The following TBC1D22A variants were observed in gnomAD, a reference collection of about 807,000 sequenced individuals.
The protein encoded by TBC1D22A is putative GTPase activator.
A neutral mutation model predicts 60.2 loss-of-function variants in TBC1D22A; 38 were observed. The ratio of observed to expected loss-of-function variants is 0.63; its 90% CI spans 0.49 to 0.83. The LOEUF (loss-of-function observed/expected upper bound fraction) is 0.83. Among genes scored for constraint, TBC1D22A ranks in the 40% least tolerant of loss-of-function variants. TBC1D22A has a pLI of 0.00. For missense variants in TBC1D22A, 628 were observed against 701.0 expected (o/e 0.90, Z 1.18); for synonymous variants, 302 against 281.7 (o/e 1.07, Z -0.72).
At chr22:46,952,381 T>C (rs543632022) in intron 8 of TBC1D22A, among the ~76,000 whole-genome samples, 19 of 152,332 alleles carry the variant, frequency 1.2e-4, no homozygotes, top group Middle Eastern at 6.8e-3. Flanking sequence ...TTCTCCACTC[T>C]TGCATGCTAG....
At chr22:47,123,581 A>C (rs1403204985) in intron 12 of TBC1D22A, among the ~76,000 whole-genome samples, 1 of 152,300 alleles carries the variant, frequency 6.6e-6, no homozygotes, top group Non-Finnish European at 1.5e-5. Context: ...GCAGTGGGCC[A>C]TGTCTCTGTC....
At chr22:46,892,936 C>G (rs1409804893) in intron 6 of TBC1D22A, among the ~76,000 whole-genome samples, 1 of 152,246 alleles carries the variant, frequency 6.6e-6, no homozygotes, top group Non-Finnish European at 1.5e-5. Flanking sequence ...CTGCCTGATG[C>G]TTTGAGGCCT....
At chr22:47,144,662 G>A (rs1445999552) in intron 12 of TBC1D22A, among the ~76,000 whole-genome samples, 5 of 152,230 alleles carry the variant, frequency 3.3e-5, no homozygotes, top group Non-Finnish European at 4.4e-5. Flanking sequence ...CAGCACTGGC[G>A]GGACTTCACG....
At chr22:46,941,608 GCGGAATATATATA>G (rs1451857977) in intron 8 of TBC1D22A, among the ~76,000 whole-genome samples, 2 of 129,928 alleles carry the variant, frequency 1.5e-5, no homozygotes, top group Admixed American at 8.1e-5. Context: ...ATATATATAC[GCGGAATATATATA>G]CGGAATATAT....
chr22:46,983,731 A>T, intron 9 of TBC1D22A, among the ~76,000 whole-genome samples: 1 of 148,924 alleles, frequency 6.7e-6, no homozygotes. Flanking sequence ...TTTTTCTACC[A>T]AGTGCACTAT....
intron 11 of TBC1D22A, among the ~76,000 whole-genome samples, chr22:47,059,709 G>A (rs2063506306): frequency 6.6e-6 from 1 of 152,160 alleles, no homozygotes; most frequent in African/African-American, 2.4e-5. Flanking sequence ...TGAAATGCAG[G>A]TGCCGTTTCT....
intron 7 of TBC1D22A, among the ~76,000 whole-genome samples, chr22:46,898,721 C>T (rs1246548893): frequency 1.3e-5 from 2 of 152,126 alleles, no homozygotes; most frequent in African/African-American, 2.4e-5. Flanking sequence ...GAAATTTTTA[C>T]AGAAACACCT....
intron 11 of TBC1D22A, among the ~76,000 whole-genome samples, chr22:47,049,533 G>A (rs1291507631): frequency 6.6e-6 from 1 of 152,230 alleles, no homozygotes; most frequent in African/African-American, 2.4e-5. Context: ...TTACAGAGAT[G>A]AAAGAAGGAA....
chr22:47,040,981 G>A (rs1266800217), intron 11 of TBC1D22A, among the ~76,000 whole-genome samples: 1 of 152,192 alleles, frequency 6.6e-6, no homozygotes, highest in Non-Finnish European at 1.5e-5. Context: ...TACTTACGCT[G>A]CTTTAGAATG....
intron 11 of TBC1D22A, among the ~76,000 whole-genome samples, chr22:47,069,534 A>C (rs556477848): frequency 1.1e-4 from 17 of 152,338 alleles, no homozygotes; most frequent in Admixed American, 7.8e-4. Context: ...TCTGAATTGC[A>C]TGTCTCTGTC....
intron 7 of TBC1D22A, among the ~76,000 whole-genome samples, chr22:46,905,099 G>A (rs912887835): frequency 6.6e-6 from 1 of 152,222 alleles, no homozygotes; most frequent in Non-Finnish European, 1.5e-5. Context: ...AGCCTCTGTG[G>A]CTTTCAGAGG....
intron 8 of TBC1D22A, among the ~76,000 whole-genome samples, chr22:46,960,380 G>A (rs1017553767): frequency 6.6e-6 from 1 of 152,064 alleles, no homozygotes; most frequent in African/African-American, 2.4e-5. Context: ...TTCTGCATCA[G>A]CCTCCTGAGT....
At chr22:46,797,813 A>G (rs1459640132) in intron 4 of TBC1D22A, among the ~76,000 whole-genome samples, 193 bp downstream of exon 4, 1 of 152,226 alleles carries the variant, frequency 6.6e-6, no homozygotes, top group African/African-American at 2.4e-5. Flanking sequence ...TGTGCTTTAG[A>G]CAAGTTTTGT....
At chr22:46,835,727 A>G (rs562501887) in intron 4 of TBC1D22A, among the ~76,000 whole-genome samples, 19 of 152,336 alleles carry the variant, frequency 1.2e-4, no homozygotes, top group Admixed American at 4.6e-4. Flanking sequence ...GCCAGACTCA[A>G]GAAGCCCATG....
intron 1 of TBC1D22A, among the ~76,000 whole-genome samples, chr22:46,776,037 C>G (rs2083689780): frequency 6.6e-6 from 1 of 152,224 alleles, no homozygotes; most frequent in Non-Finnish European, 1.5e-5. Flanking sequence ...GGGAGACAGA[C>G]CAGCCAGGAG....
intron 11 of TBC1D22A, among the ~76,000 whole-genome samples, chr22:47,041,002 C>G (rs2062824709): frequency 6.6e-6 from 1 of 152,192 alleles, no homozygotes; most frequent in Non-Finnish European, 1.5e-5. Context: ...GCTCCTCACA[C>G]ACATCCTGTG....
intron 7 of TBC1D22A, among the ~76,000 whole-genome samples, 173 bp downstream of exon 7, chr22:46,895,019 T>G (rs1391389947): frequency 6.6e-6 from 1 of 152,192 alleles, no homozygotes; most frequent in African/African-American, 2.4e-5. Context: ...CTTCTATTTG[T>G]TCTTTAAATA....
At chr22:47,045,552 G>T (rs971066959) in intron 11 of TBC1D22A, among the ~76,000 whole-genome samples, 1 of 152,230 alleles carries the variant, frequency 6.6e-6, no homozygotes, top group African/African-American at 2.4e-5. Context: ...CTTAAGGAGA[G>T]ATTAAAGAGT....
At chr22:46,921,388 C>T (rs374223560) in intron 8 of TBC1D22A, among the ~76,000 whole-genome samples, 2 of 152,224 alleles carry the variant, frequency 1.3e-5, no homozygotes, top group Non-Finnish European at 2.9e-5. Context: ...TGACCTCCAT[C>T]TCCGTCCATG....
Sources: allele counts gnomAD v4.1 joint callset (sites outside exome capture counted in the v4.1 genomes callset), GRCh38; gene constraint gnomAD v4.1.1; transcripts MANE v1.5; gene names NCBI Gene and HGNC (gene_info 2026-07-23, HGNC 2026-07-21).